TLL1: variants seen among roughly 807,000 people sequenced by gnomAD.
TLL1 encodes the protein tolloid like 1, also known as tolloid-like protein 1.
A neutral mutation model predicts 128.2 loss-of-function variants in TLL1; 49 were observed. That is an observed-to-expected ratio of 0.38 (90% CI 0.30 to 0.48). TLL1 has a LOEUF of 0.48. Among genes scored for constraint, TLL1 ranks in the 20% least tolerant of loss-of-function variants. The pLI is 0.96. For synonymous variants in TLL1, 454 were observed against 418.8 expected (o/e 1.08, Z -1.03); for missense variants, 1,123 against 1,242.0 (o/e 0.90, Z 1.44).
At chr4:165,986,594 A>G (rs1168016747) in intron 1 of TLL1, among the ~76,000 whole-genome samples, 2 of 152,094 alleles carry the variant, frequency 1.3e-5, no homozygotes, top group Admixed American at 6.6e-5. Flanking sequence ...CTACCAAACT[A>G]TTCTGAAGTT....
intron 12 of TLL1, among the ~76,000 whole-genome samples, chr4:166,045,682 C>T (rs116736295): frequency 8.1e-4 from 124 of 152,218 alleles, no homozygotes; most frequent in African/African-American, 2.7e-3. Context: ...TCATGGGCCA[C>T]GGTACTTTTG....
chr4:166,074,856 A>G (rs372287397), intron 16 of TLL1, 22 bp from the exon 17 acceptor site: 100 of 1,612,238 alleles, frequency 6.2e-5, no homozygotes, highest in Non-Finnish European at 8.1e-5. Context: ...TTACTAGACT[A>G]TGGGATTGAT....
intron 16 of TLL1, among the ~76,000 whole-genome samples, chr4:166,069,786 A>T (rs1160197280): frequency 6.6e-6 from 1 of 151,738 alleles, no homozygotes; most frequent in Non-Finnish European, 1.5e-5. Context: ...ATTCTGACTA[A>T]ATATCATAAA....
Position 165,945,429 on chromosome 4 carries a change from G to T in TLL1, c.170-43952G>T, listed in dbSNP as rs139746424. 7.2e-3 allele frequency among the ~76,000 whole-genome samples: 1,095 copies of T among 152,288 alleles called. 6 individuals carry two copies. Among genetic ancestry groups the T allele is most frequent in the Non-Finnish European group, 0.012 (801 of 68,018 alleles). On this transcript the variant is annotated intron_variant, in intron 1 of 20. Transcript: ENST00000061240. ...TTTATATGTTGACAGAAGTTGTCTA[G>T]TAGAGAGAGAATGGTTGGTGATTCA...
chr4:166,042,841 C>A (rs761270045), intron 11 of TLL1, among the ~76,000 whole-genome samples: 1 of 152,134 alleles, frequency 6.6e-6, no homozygotes, highest in Non-Finnish European at 1.5e-5. Context: ...GTCACGGACG[C>A]TGCGCACATG....
intron 5 of TLL1, among the ~76,000 whole-genome samples, chr4:166,002,921 A>G (rs1214928860): frequency 2.0e-5 from 3 of 152,184 alleles, no homozygotes; most frequent in African/African-American, 7.2e-5. Context: ...CATATTTAGT[A>G]CTGAAATAAT....
At chr4:166,077,229 T>TA (rs34063206) in intron 17 of TLL1, among the ~76,000 whole-genome samples, 8,298 of 145,930 alleles carry the variant, frequency 0.057, 328 homozygotes, top group African/African-American at 0.11. Flanking sequence ...ATTTTAATTG[T>TA]AAAAAAAAAA....
At chr4:166,100,148 A>G (rs1742225043) in intron 20 of TLL1, among the ~76,000 whole-genome samples, 1 of 152,080 alleles carries the variant, frequency 6.6e-6, no homozygotes, top group Non-Finnish European at 1.5e-5. Context: ...TAATATTTAT[A>G]TATTTATAGT....
At chr4:166,090,100 G>A (rs1741692792) in intron 18 of TLL1, among the ~76,000 whole-genome samples, 1 of 151,988 alleles carries the variant, frequency 6.6e-6, no homozygotes, top group South Asian at 2.1e-4. Flanking sequence ...TAAAATTTAT[G>A]TGCCAATATT....
At chr4:166,053,096 C>T (rs1300554574) in intron 12 of TLL1, 1 of 151,150 alleles carries the variant, frequency 6.6e-6, no homozygotes. Context: ...CATAATTGTA[C>T]ACTCACAAAA....
At chr4:166,021,077 C>A (rs1438034078) in intron 8 of TLL1, among the ~76,000 whole-genome samples, 1 of 152,074 alleles carries the variant, frequency 6.6e-6, no homozygotes, top group South Asian at 2.1e-4. Flanking sequence ...CTTAATTTAG[C>A]GTTAAAATGA....
chr4:165,905,025 C>T (rs1380754888), intron 1 of TLL1, among the ~76,000 whole-genome samples: 1 of 152,144 alleles, frequency 6.6e-6, no homozygotes, highest in Non-Finnish European at 1.5e-5. Flanking sequence ...GGGCAATTTA[C>T]AAAATACTGG....
chr4:165,972,062 C>T (rs1015925519), intron 1 of TLL1, among the ~76,000 whole-genome samples: 3 of 152,014 alleles, frequency 2.0e-5, no homozygotes, highest in Admixed American at 1.3e-4. Context: ...GGATTGCAGT[C>T]CAAGAGGCTT....
At chr4:165,968,349 A>T (rs2041449391) in intron 1 of TLL1, among the ~76,000 whole-genome samples, 1 of 152,202 alleles carries the variant, frequency 6.6e-6, no homozygotes, top group Non-Finnish European at 1.5e-5. Context: ...ATAGTAAACA[A>T]ACTGCTTGTT....
intron 1 of TLL1, among the ~76,000 whole-genome samples, chr4:165,922,656 A>G (rs986628747): frequency 6.6e-6 from 1 of 152,250 alleles, no homozygotes; most frequent in African/African-American, 2.4e-5. Context: ...AAGAAGATTA[A>G]TGTGCCACTT....
At chr4:165,919,779 C>T (rs1732963963) in intron 1 of TLL1, 2 of 455,716 alleles carry the variant, frequency 4.4e-6, no homozygotes, top group Non-Finnish European at 8.8e-6. Flanking sequence ...GTGCCTCTTG[C>T]AGGCCTTGTT....
At chr4:166,089,892 A>G (rs1741685960) in intron 18 of TLL1, among the ~76,000 whole-genome samples, 1 of 152,036 alleles carries the variant, frequency 6.6e-6, no homozygotes, top group African/African-American at 2.4e-5. Context: ...TCCCTAGTTA[A>G]TATGAATTGT....
At chr4:165,986,709 A>C (rs1356396225) in intron 1 of TLL1, among the ~76,000 whole-genome samples, 1 of 152,026 alleles carries the variant, frequency 6.6e-6, no homozygotes, top group Admixed American at 6.6e-5. Flanking sequence ...TCTCCCCAGA[A>C]GTAATGTTTT....
intron 18 of TLL1, among the ~76,000 whole-genome samples, chr4:166,088,368 T>A (rs978740878): frequency 1.3e-5 from 2 of 152,110 alleles, no homozygotes; most frequent in Non-Finnish European, 2.9e-5. Flanking sequence ...ATTTTAGAAG[T>A]TTTTCCTTTC....
Sources: gnomAD v4.1 joint callset for allele counts (sites outside exome capture counted in the v4.1 genomes callset) on GRCh38, gnomAD v4.1.1 for gene constraint, MANE v1.5 for transcripts, NCBI Gene and HGNC (gene_info 2026-07-23, HGNC 2026-07-21) for gene names.